Variants in CAST observed in about 807,000 individuals in gnomAD.
CAST encodes the protein calpastatin.
In CAST, 76 loss-of-function variants were observed where a neutral mutation model predicts 119.6. The ratio of observed to expected loss-of-function variants is 0.64; its 90% CI spans 0.53 to 0.77. The LOEUF (loss-of-function observed/expected upper bound fraction) is 0.77, where lower values mean the gene tolerates loss of function less well. CAST is among the 30% of genes least tolerant of loss of function. The probability of loss-of-function intolerance (pLI) is 0.00; values close to 1 mark genes in which losing one functional copy is unlikely to be tolerated. For synonymous variants in CAST, 319 were observed against 331.6 expected (o/e 0.96, Z 0.41); for missense variants, 953 against 946.5 (o/e 1.01, Z -0.09).
chr5:96,044,828 C>A, the CAST span, among the ~76,000 whole-genome samples: 1 of 152,102 alleles, frequency 6.6e-6, no homozygotes, highest in Non-Finnish European at 1.5e-5. Context: ...GAATGAATGA[C>A]TGTTGTGTGC....
chr5:96,040,223 G>C, the CAST span, among the ~76,000 whole-genome samples: 1 of 152,180 alleles, frequency 6.6e-6, no homozygotes. Context: ...CATTGATTTT[G>C]TATCCTGAGA....
At chr5:96,191,793 C>G in the CAST span, among the ~76,000 whole-genome samples, 1 of 152,226 alleles carries the variant, frequency 6.6e-6, no homozygotes. Context: ...TGGTCTCAAT[C>G]TCTTGACCTC....
intron 1 of CAST, among the ~76,000 whole-genome samples, chr5:96,565,225 CAT>C (rs1445354925): frequency 6.6e-6 from 1 of 151,646 alleles, no homozygotes; most frequent in Non-Finnish European, 1.5e-5. Context: ...AAAACATGCC[CAT>C]ACCTCAATTA....
At chr5:96,728,904 A>G (rs1046175928) in intron 6 of CAST, 6 of 440,208 alleles carry the variant, frequency 1.4e-5, no homozygotes, top group Non-Finnish European at 2.5e-5. Context: ...TGAAAATATT[A>G]TTCAGATGAA....
the CAST span, among the ~76,000 whole-genome samples, chr5:96,072,556 A>T: frequency 5.9e-5 from 9 of 152,322 alleles, no homozygotes; most frequent in Middle Eastern, 3.4e-3. Flanking sequence ...TGTTTTACAT[A>T]TTGAGTTTCA....
At chr5:96,438,153 G>A in the CAST span, among the ~76,000 whole-genome samples, 1 of 151,846 alleles carries the variant, frequency 6.6e-6, no homozygotes, top group African/African-American at 2.4e-5. Flanking sequence ...TTTAAATGTG[G>A]CACCCAGAAT....
chr5:96,413,728 A>T, the CAST span, among the ~76,000 whole-genome samples: 1 of 148,928 alleles, frequency 6.7e-6, no homozygotes, highest in East Asian at 2.0e-4. Flanking sequence ...TGAACCTGGG[A>T]GGCAGAGGTT....
intron 9 of CAST, among the ~76,000 whole-genome samples, chr5:96,735,067 A>G (rs759747820): frequency 5.9e-5 from 9 of 152,154 alleles, no homozygotes; most frequent in Non-Finnish European, 1.3e-4. Context: ...AGTGGTTTCA[A>G]TTATCCAGAC....
the CAST span, chr5:96,432,227 G>A: frequency 8.9e-6 from 9 of 1,011,480 alleles, no homozygotes; most frequent in East Asian, 2.6e-5. Flanking sequence ...AGAGAGTCGC[G>A]GGGATAGATG....
At chr5:96,454,845 G>A in the CAST span, among the ~76,000 whole-genome samples, 4 of 152,108 alleles carry the variant, frequency 2.6e-5, no homozygotes, top group Non-Finnish European at 1.5e-5. Flanking sequence ...GACTCAGTTC[G>A]GTGCTAATAT....
chr5:96,411,097 T>G, the CAST span: 70 of 828,872 alleles, frequency 8.4e-5, 1 homozygote, highest in South Asian at 9.3e-4. Flanking sequence ...AGACAGCTAT[T>G]TGGGATCTAT....
intron 1 of CAST, among the ~76,000 whole-genome samples, chr5:96,664,853 T>C (rs1438411901): frequency 1.3e-5 from 2 of 152,192 alleles, no homozygotes; most frequent in Non-Finnish European, 2.9e-5. Flanking sequence ...ACAAACCACA[T>C]CAATTTGCTT....
the CAST span, among the ~76,000 whole-genome samples, chr5:96,316,277 C>T: frequency 6.6e-6 from 1 of 152,174 alleles, no homozygotes; most frequent in Non-Finnish European, 1.5e-5. Flanking sequence ...AGAAAGAAAT[C>T]TTACCTAGAA....
chr5:96,631,816 G>A (rs1239589929), intron 1 of CAST, among the ~76,000 whole-genome samples: 1 of 152,138 alleles, frequency 6.6e-6, no homozygotes, highest in Non-Finnish European at 1.5e-5. Context: ...ACAGGCGTGA[G>A]CCACTGCGCC....
At chr5:96,053,986 A>G in the CAST span, among the ~76,000 whole-genome samples, 2 of 151,912 alleles carry the variant, frequency 1.3e-5, no homozygotes, top group African/African-American at 4.8e-5. Context: ...TTACCTATGC[A>G]GTTGTTGTGG....
chr5:96,408,269 A>G, the CAST span: 1 of 1,614,166 alleles, frequency 6.2e-7, no homozygotes, highest in Non-Finnish European at 8.5e-7. Flanking sequence ...AGAGGTGCAG[A>G]GGCCGAGGTG....
At chr5:96,189,262 G>A in the CAST span, among the ~76,000 whole-genome samples, 5 of 152,144 alleles carry the variant, frequency 3.3e-5, no homozygotes, top group African/African-American at 1.2e-4. Context: ...TTTCATCAGA[G>A]AGGATTTGGT....
At chr5:96,149,019 G>A in the CAST span, among the ~76,000 whole-genome samples, 1 of 152,210 alleles carries the variant, frequency 6.6e-6, no homozygotes, top group Non-Finnish European at 1.5e-5. Context: ...TCCTTCTTAG[G>A]TGAATCTTAA....
intron 18 of CAST, among the ~76,000 whole-genome samples, chr5:96,747,987 C>T (rs553672194): frequency 3.9e-5 from 6 of 152,156 alleles, no homozygotes; most frequent in Non-Finnish European, 7.4e-5. Context: ...TGAGTCCCAG[C>T]GTCTGAATCA....
Sources: allele counts gnomAD v4.1 joint callset (sites outside exome capture counted in the v4.1 genomes callset), GRCh38; gene constraint gnomAD v4.1.1; transcripts MANE v1.5; gene names NCBI Gene and HGNC (gene_info 2026-07-23, HGNC 2026-07-21).